CYP4V2: variants seen among roughly 807,000 people sequenced by gnomAD.
CYP4V2 encodes the protein cytochrome P450 4V2.
In CYP4V2, 55 loss-of-function variants were observed where a neutral mutation model predicts 60.8. The observed-to-expected ratio is 0.90, with a 90% CI of 0.73 to 1.13. CYP4V2 has a LOEUF of 1.13. Ranked by LOEUF, CYP4V2 falls within the 50% of genes most tolerant of loss-of-function variation. The probability of loss-of-function intolerance (pLI) is 0.00; values close to 1 mark genes in which losing one functional copy is unlikely to be tolerated. For missense variants in CYP4V2, 675 were observed against 662.9 expected (o/e 1.02, Z -0.20); for synonymous variants, 239 against 236.8 (o/e 1.01, Z -0.08).
At chr4:186,206,751 G>C (rs897127274) in intron 8 of CYP4V2, among the ~76,000 whole-genome samples, 1 of 152,180 alleles carries the variant, frequency 6.6e-6, no homozygotes, top group Non-Finnish European at 1.5e-5. Flanking sequence ...TTTGTGTGCA[G>C]ATTGTGCTGG....
At chr4:186,197,380 C>A in intron 4 of CYP4V2, 153 bp from the exon 5 acceptor site, 1 of 897,254 alleles carries the variant, frequency 1.1e-6, no homozygotes, top group Admixed American at 2.0e-5. Context: ...AGAAGTGGAC[C>A]GTACAAGAGA....
intron 4 of CYP4V2, 124 bp downstream of exon 4, chr4:186,197,254 T>C: frequency 8.1e-7 from 1 of 1,236,590 alleles, no homozygotes; most frequent in East Asian, 2.3e-5. Context: ...TTCAGCGCGG[T>C]TCTACGACCG....
Position 186,210,548 on chromosome 4 carries a change from A to G in CYP4V2, c.1485A>G (p.Lys495=). The change falls in exon 11 of 11, where the codon AAA becomes AAG. Residue 495 remains lysine (K), a synonymous_variant. Coordinates refer to ENST00000378802, the MANE Select transcript of CYP4V2 (RefSeq NM_207352.4). ...ACTTTTGGATAGAATCCAACCAGAA[A>G]AGAGAAGAGCTTGGTCTAGAAGGAC... The part of the protein sequence containing the change: ...LRHFWIESNQ[K]REELGLEGQL... 6.2e-7 allele frequency: 1 copy of G among 1,614,174 alleles called. No individual in the cohort carries two copies. Among genetic ancestry groups the G allele is most frequent in the Admixed American group, 1.7e-5 (1 of 60,028 alleles).
intron 5 of CYP4V2, 55 bp downstream of exon 5, chr4:186,197,657 A>T: frequency 6.4e-7 from 1 of 1,561,174 alleles, no homozygotes; most frequent in South Asian, 1.1e-5. Context: ...AGGCTTTAAA[A>T]ATTATTGCTA....
Position 186,195,900 on chromosome 4 carries a change from T to G in CYP4V2, c.328-103T>G. 1 of 795,416 alleles carries G rather than the reference T, an allele frequency of 1.3e-6. No individual in the cohort carries two copies. Among genetic ancestry groups the G allele is most frequent in the Non-Finnish European group, 2.2e-6 (1 of 463,224 alleles). 49.3% of individuals were successfully genotyped at this position (795,416 alleles called of 1,614,324 possible). On this transcript the variant is annotated intron_variant, in intron 2 of 10. Coordinates refer to ENST00000378802, the MANE Select transcript of CYP4V2 (RefSeq NM_207352.4). The surrounding 1 kb of genome is among the most constrained non-coding windows in gnomAD (Gnocchi z 4.1). ...TGAACGACGGAGAAAATAAATGTTGTGAATGCCCTAAAAACTAGCTGTATT... is the reference window on the plus strand; with the variant it reads ...TGAACGACGGAGAAAATAAATGTTGGGAATGCCCTAAAAACTAGCTGTATT...
At position 186,191,747 on chromosome 4, in the gene CYP4V2, G is replaced by A; in HGVS notation, c.-77G>A. Reference sequence around the variant, plus strand: ...CCGCGCGGGGAAGTGGGCGGTGTGCGGCCGGCACCGCCTCGCACCACGCCC... The same window carrying A: ...CCGCGCGGGGAAGTGGGCGGTGTGCAGCCGGCACCGCCTCGCACCACGCCC... On this transcript the variant is annotated 5_prime_UTR_variant, in exon 1 of 11. Coordinates refer to ENST00000378802, the MANE Select transcript of CYP4V2 (RefSeq NM_207352.4). 7.7e-7 allele frequency: 1 copy of A among 1,301,412 alleles called. No individual in the cohort carries two copies. The allele number at this position is 1,301,412 out of a possible 1,614,324, so 80.6% of individuals were successfully genotyped here.
At chr4:186,197,377 G>C in intron 4 of CYP4V2, 156 bp from the exon 5 acceptor site, 1 of 885,588 alleles carries the variant, frequency 1.1e-6, no homozygotes, top group Admixed American at 2.0e-5. Flanking sequence ...AGTAGAAGTG[G>C]ACCGTACAAG....
chr4:186,197,205 G>A lies in CYP4V2; in HGVS notation c.604+75G>A, dbSNP rs72646260. 10,088 of 1,548,202 alleles carry A rather than the reference G, an allele frequency of 6.5e-3. 442 individuals carry two copies. The African/African-American group carries it at 0.11, about 17-fold the overall frequency. On this transcript the variant is annotated intron_variant, in intron 4 of 10. Coordinates refer to ENST00000378802, the MANE Select transcript of CYP4V2 (RefSeq NM_207352.4). Reference sequence around the variant, plus strand: ...CCCAAACAGGAAATCACACTCCACCGGGAAGGCAAATGGGGGGACGGGAAA... The same window carrying A: ...CCCAAACAGGAAATCACACTCCACCAGGAAGGCAAATGGGGGGACGGGAAA...
rs1736127236 is a variant in CYP4V2 at position 186,195,589 on chromosome 4, T to G, written c.328-414T>G. Among the ~76,000 whole-genome samples the G allele has an allele frequency of 6.6e-6, 1 of 152,042 alleles. No homozygotes were observed. The highest frequency in any genetic ancestry group is 2.4e-5 in the African/African-American group (1 of 41,452). On this transcript the variant is annotated intron_variant, in intron 2 of 10. Transcript: ENST00000378802. The surrounding 1 kb of genome is among the most constrained non-coding windows in gnomAD (Gnocchi z 4.1). ...CAGGCCTTATCTTGGCTGTCTCACT[T>G]GCTTTCAGACCACAGCAACCTGAAG...
chr4:186,213,115 C>T lies in CYP4V2; in HGVS notation c.*2474C>T, dbSNP rs1050601071. ...AAAGTAAAACATTGTTTAATGTTAC[C>T]TTTTGGCTTGAGAATGTCTTTCAGC... is the stretch of plus-strand genomic sequence containing the variant. On this transcript the variant is annotated 3_prime_UTR_variant, in exon 11 of 11. Coordinates refer to ENST00000378802, the MANE Select transcript of CYP4V2 (RefSeq NM_207352.4). 1.3e-5 allele frequency: 2 copies of T among 152,034 alleles called. No individual in the cohort carries two copies. Among genetic ancestry groups the T allele is most frequent in the Non-Finnish European group, 2.9e-5 (2 of 68,002 alleles). The allele number at this position is 152,034 out of a possible 1,614,324, so 9.4% of individuals were successfully genotyped here.
At chr4:186,197,253 G>A (rs1377845989) in intron 4 of CYP4V2, 123 bp downstream of exon 4, 1 of 1,247,430 alleles carries the variant, frequency 8.0e-7, no homozygotes, top group Admixed American at 1.8e-5. Flanking sequence ...CTTCAGCGCG[G>A]TTCTACGACC....
At position 186,212,575 on chromosome 4, in the gene CYP4V2, G is replaced by C. The variant is rs542607316; in HGVS notation, c.*1934G>C. On this transcript the variant is annotated 3_prime_UTR_variant, in exon 11 of 11. Coordinates refer to ENST00000378802, the MANE Select transcript of CYP4V2 (RefSeq NM_207352.4). ...TTATATATCATATGTTATTGGAAGA[G>C]ATTCCTCAGTAATCTCCAATCTCTC... The C allele has an allele frequency of 1.3e-5, 2 of 152,182 alleles. No individual in the cohort carries two copies. Among genetic ancestry groups the C allele is most frequent in the Non-Finnish European group, 2.9e-5 (2 of 68,046 alleles). 9.4% of individuals were successfully genotyped at this position (152,182 alleles called of 1,614,324 possible).
At chr4:186,192,959 G>A in intron 1 of CYP4V2, among the ~76,000 whole-genome samples, 1 of 152,256 alleles carries the variant, frequency 6.6e-6, no homozygotes, top group Middle Eastern at 3.4e-3. Flanking sequence ...ATTTTCACTT[G>A]TTTTCTCTAA....
chr4:186,201,673 C>G (rs1736309393), intron 7 of CYP4V2: 2 of 272,390 alleles, frequency 7.3e-6, no homozygotes, highest in Non-Finnish European at 1.4e-5. Flanking sequence ...TCTAACCTCC[C>G]AGACATGCAA....
chr4:186,206,214 T>G (rs1736497424), intron 8 of CYP4V2, among the ~76,000 whole-genome samples: 1 of 151,720 alleles, frequency 6.6e-6, no homozygotes, highest in African/African-American at 2.4e-5. Context: ...GCATGTGTGG[T>G]GTGTGTGTGT....
Position 186,212,393 on chromosome 4 carries a change from C to T in CYP4V2, c.*1752C>T, listed in dbSNP as rs1246432294. 1 of 152,168 alleles carries T rather than the reference C, an allele frequency of 6.6e-6. No individual in the cohort carries two copies. Among genetic ancestry groups the T allele is most frequent in the Admixed American group, 6.5e-5 (1 of 15,280 alleles). 9.4% of individuals were successfully genotyped at this position (152,168 alleles called of 1,614,324 possible). ...AGTTAATTCAACCTTATAGATCATA[C>T]TTATGAAGGTGATAACTGACACGTG... is the stretch of plus-strand genomic sequence containing the variant. On this transcript the variant is annotated 3_prime_UTR_variant, in exon 11 of 11. Transcript: ENST00000378802.
At chr4:186,207,533 TTATATAA>T (rs1561437332) in intron 8 of CYP4V2, among the ~76,000 whole-genome samples, 12 of 147,618 alleles carry the variant, frequency 8.1e-5, no homozygotes, top group African/African-American at 2.9e-4. Flanking sequence ...ATATTAAAAA[TTATATAA>T]TATATAAAAT....
Position 186,210,864 on chromosome 4 carries a change from C to T in CYP4V2, c.*223C>T. 1 of 494,096 alleles carries T rather than the reference C, an allele frequency of 2.0e-6. No individual in the cohort carries two copies. Among genetic ancestry groups the T allele is most frequent in the Non-Finnish European group, 3.5e-6 (1 of 282,912 alleles). The allele number at this position is 494,096 out of a possible 1,614,324, so 30.6% of individuals were successfully genotyped here. A position where few individuals can be genotyped will look rare whatever the true frequency, so the allele number is the denominator to read the frequency against. On this transcript the variant is annotated 3_prime_UTR_variant, in exon 11 of 11. Coordinates refer to ENST00000378802, the MANE Select transcript of CYP4V2 (RefSeq NM_207352.4). ...ATTTTTTTTTTTTGAAACCGTGTCT[C>T]ACTCTGTCGCCCAGGCTGGAGGAGT...
In CYP4V2 at chr4:186,212,485, A is replaced by C. The variant is rs1408078132; in HGVS notation, c.*1844A>C. 1 of 152,216 alleles carries C rather than the reference A, an allele frequency of 6.6e-6. No homozygotes were observed. Among genetic ancestry groups the C allele is most frequent in the Non-Finnish European group, 1.5e-5 (1 of 68,038 alleles). 9.4% of individuals were successfully genotyped at this position (152,216 alleles called of 1,614,324 possible). On this transcript the variant is annotated 3_prime_UTR_variant, in exon 11 of 11. Coordinates refer to ENST00000378802, the MANE Select transcript of CYP4V2 (RefSeq NM_207352.4). ...CCATTATTTTTTAAAACTTCATTTA[A>C]TAGTTTAAACAAGATTGGTTTTGTT...
Sources: allele counts gnomAD v4.1 joint callset (sites outside exome capture counted in the v4.1 genomes callset), GRCh38; gene constraint gnomAD v4.1.1; non-coding constraint Gnocchi (gnomAD v3.1); transcripts MANE v1.5; gene names NCBI Gene and HGNC (gene_info 2026-07-23, HGNC 2026-07-21).